SUMF1: variants seen among roughly 807,000 people sequenced by gnomAD.
The protein encoded by SUMF1 is formylglycine-generating enzyme.
In SUMF1, 48 loss-of-function variants were observed where a neutral mutation model predicts 47.6. That is an observed-to-expected ratio of 1.01 (90% CI 0.80 to 1.28). SUMF1 has a LOEUF of 1.28. Ranked by LOEUF, SUMF1 falls within the 50% of genes most tolerant of loss-of-function variation. SUMF1 has a pLI of 0.00. For synonymous variants in SUMF1, 230 were observed against 192.1 expected (o/e 1.20, Z -1.63); for missense variants, 571 against 485.4 (o/e 1.18, Z -1.66).
rs538123343 is a variant in SUMF1, at chr3:4,109,909, C to A, written c.1015-41164G>T. On this transcript the variant is annotated intron_variant and NMD_transcript_variant, in intron 8 of 12. Coordinates refer to the SUMF1 transcript ENST00000448413. ...CTCGGAGTAGTTTGATTGTCTGAAG[C>A]CTTCTTCTCTCAACTCGTCAAAGTC... 2.3e-3 allele frequency among the ~76,000 whole-genome samples: 345 copies of A among 152,202 alleles called. 4 individuals are homozygous for A. Among genetic ancestry groups the A allele is most frequent in the Middle Eastern group, 3.4e-3 (1 of 294 alleles).
chr3:4,263,411 G>T (rs905592662), intron 8 of SUMF1, among the ~76,000 whole-genome samples: 4 of 152,122 alleles, frequency 2.6e-5, no homozygotes, highest in African/African-American at 9.7e-5. Context: ...TATTTTAACT[G>T]GTTCTAAATG....
chr3:4,409,940 A>T (rs953678452), intron 7 of SUMF1, among the ~76,000 whole-genome samples: 2 of 152,218 alleles, frequency 1.3e-5, no homozygotes, highest in South Asian at 4.1e-4. Flanking sequence ...TATATTGAGA[A>T]GATATTGAAG....
rs550317913 is a variant in SUMF1, at chr3:4,114,800, G to A, written c.1015-46055C>T. Among the ~76,000 whole-genome samples the A allele has an allele frequency of 1.1e-4, 16 of 152,176 alleles. No homozygotes were observed. The South Asian group carries it at 3.1e-3, about 30-fold the overall frequency. The stretch of plus-strand genomic sequence containing the variant: ...ATTAGACACACCCATTTACACACAA[G>A]TTCAGTTCACAAATGAGAACATCAA... On this transcript the variant is annotated intron_variant and NMD_transcript_variant, in intron 8 of 12. Coordinates refer to the SUMF1 transcript ENST00000448413.
intron 8 of SUMF1, among the ~76,000 whole-genome samples, chr3:4,249,624 A>G (rs1327554807): frequency 3.3e-5 from 5 of 152,106 alleles, no homozygotes; most frequent in Non-Finnish European, 7.4e-5. Flanking sequence ...AGGCCTCCCA[A>G]TTCCCTGAGA....
intron 8 of SUMF1, among the ~76,000 whole-genome samples, chr3:4,125,835 T>TGTG (rs1466451130): frequency 6.6e-6 from 1 of 152,066 alleles, no homozygotes; most frequent in Non-Finnish European, 1.5e-5. Flanking sequence ...CATGACCACA[T>TGTG]GTGGCTAGTT....
chr3:4,258,467 C>T (rs1697008142), intron 8 of SUMF1, among the ~76,000 whole-genome samples: 1 of 138,614 alleles, frequency 7.2e-6, no homozygotes, highest in African/African-American at 2.8e-5. Flanking sequence ...TGAGCAGACA[C>T]TTCTCAAAAG....
Position 4,414,192 on chromosome 3 carries a change from A to G in SUMF1, c.840+2936T>C, listed in dbSNP as rs141967921. Among the ~76,000 whole-genome samples, 512 of 152,034 alleles carry G rather than the reference A, an allele frequency of 3.4e-3. 6 individuals are homozygous for G. In the East Asian group the frequency reaches 0.046, roughly 14 times the overall value. On this transcript the variant is annotated intron_variant, in intron 6 of 8. Transcript: ENST00000272902. Reference sequence around the variant, plus strand: ...AAACAAATTTTTAAATTAGCTGGGCATGATGGTGTGCACCTGTAGTCCCAG... The same window carrying G: ...AAACAAATTTTTAAATTAGCTGGGCGTGATGGTGTGCACCTGTAGTCCCAG...
rs954743512 is a variant in SUMF1 at position 4,391,844 on chromosome 3, T to C, written c.955-15455A>G. The stretch of plus-strand genomic sequence containing the variant: ...TTCTTTTCTTTTCTTTTTTTTTTTT[T>C]TGAGATAGAGTCTTGCTCTGTCACA... On this transcript the variant is annotated intron_variant, in intron 7 of 8. Transcript: ENST00000272902. Among the ~76,000 whole-genome samples the C allele has an allele frequency of 1.3e-3, 180 of 138,828 alleles. 2 individuals are homozygous for C. Among genetic ancestry groups the C allele is most frequent in the African/African-American group, 4.6e-3 (174 of 37,950 alleles). The allele number at this position is 138,828 out of a possible 152,430, so 91.1% of individuals were successfully genotyped here.
intron 8 of SUMF1, among the ~76,000 whole-genome samples, chr3:4,335,964 A>AAAAACAAAAAC (rs1481126882): frequency 1.4e-4 from 20 of 146,714 alleles, no homozygotes; most frequent in Admixed American, 1.1e-3. Context: ...CCAACTCAAA[A>AAAAACAAAAAC]AAAAAAAAAA....
At chr3:4,358,686 G>C (rs1699676325), downstream of SUMF1, among the ~76,000 whole-genome samples, 1 of 152,328 alleles carries the variant, frequency 6.6e-6, no homozygotes, top group East Asian at 1.9e-4. Context: ...TTCAAGAACT[G>C]CTACACTTTC....
At chr3:4,190,691 C>A (rs955980919) in intron 8 of SUMF1, among the ~76,000 whole-genome samples, 2 of 152,084 alleles carry the variant, frequency 1.3e-5, no homozygotes, top group Non-Finnish European at 2.9e-5. Flanking sequence ...CATAGACTAT[C>A]ATAGAGGACA....
At chr3:4,250,641 T>C (rs1221969386) in intron 8 of SUMF1, among the ~76,000 whole-genome samples, 1 of 152,110 alleles carries the variant, frequency 6.6e-6, no homozygotes, top group Non-Finnish European at 1.5e-5. Context: ...ACTCTCTTGT[T>C]AGAGGCTAAC....
chr3:4,291,881 G>A (rs942308310), intron 8 of SUMF1, among the ~76,000 whole-genome samples: 2 of 152,040 alleles, frequency 1.3e-5, no homozygotes, highest in East Asian at 1.9e-4. Flanking sequence ...TCCACCAAAC[G>A]TCTTTTGCCA....
Position 4,330,784 on chromosome 3 carries a change from A to G in SUMF1, c.1014+45546T>C, listed in dbSNP as rs79423720. Among the ~76,000 whole-genome samples the G allele has an allele frequency of 1.2e-4, 19 of 152,352 alleles. No homozygotes were observed. The East Asian group carries it at 3.5e-3, about 28-fold the overall frequency. The stretch of plus-strand genomic sequence containing the variant: ...TTAAAAGAGAAAAGCAAATTTTACC[A>G]TTACATTAGTGTATTACTAATGCTG... On this transcript the variant is annotated intron_variant and NMD_transcript_variant, in intron 8 of 12. Transcript: ENST00000448413.
In SUMF1 at chr3:4,131,535, C is replaced by T. The variant is rs374895202; in HGVS notation, c.1015-62790G>A. Among the ~76,000 whole-genome samples, 49 of 152,280 alleles carry T rather than the reference C, an allele frequency of 3.2e-4. 5 individuals are homozygous for T. Among genetic ancestry groups the T allele is most frequent in the East Asian group, 1.7e-3 (9 of 5,184 alleles). On this transcript the variant is annotated intron_variant and NMD_transcript_variant, in intron 8 of 12. Coordinates refer to the SUMF1 transcript ENST00000448413. ...GAAATCTTCCCAGTGGGCAGTACTTCGAGCAGTGCACCTGGTTGTGCACTT... is the reference window on the plus strand; with the variant it reads ...GAAATCTTCCCAGTGGGCAGTACTTTGAGCAGTGCACCTGGTTGTGCACTT...
Position 4,361,979 on chromosome 3 carries a change from G to T in SUMF1, c.*165C>A. 1.5e-6 allele frequency: 1 copy of T among 645,290 alleles called. No homozygotes were observed. 40.0% of individuals were successfully genotyped at this position (645,290 alleles called of 1,614,324 possible). On this transcript the variant is annotated 3_prime_UTR_variant, in exon 9 of 9. Coordinates refer to ENST00000272902, the MANE Select transcript of SUMF1 (RefSeq NM_182760.4). ...ACCATAAAGCACATGCACTGACCCA[G>T]GTCAGCAATTTGGTCTCACAAGGCG... is the stretch of plus-strand genomic sequence containing the variant.
chr3:4,244,614 CAG>C (rs1656819321), intron 8 of SUMF1, among the ~76,000 whole-genome samples: 2 of 152,172 alleles, frequency 1.3e-5, no homozygotes, highest in South Asian at 4.1e-4. Flanking sequence ...AGGGTTTCTG[CAG>C]AGAGATTTGC....
chr3:4,050,513 G>C (rs1695088771), intron 9 of SUMF1, among the ~76,000 whole-genome samples: 1 of 151,804 alleles, frequency 6.6e-6, no homozygotes. Flanking sequence ...AGGCTGAGGT[G>C]GGTGGATTGT....
At chr3:4,151,485 GTATA>G (rs1307809638) in intron 8 of SUMF1, among the ~76,000 whole-genome samples, 1 of 142,122 alleles carries the variant, frequency 7.0e-6, no homozygotes, top group Non-Finnish European at 1.5e-5. Context: ...GTATATATGT[GTATA>G]TATACGTATA....
Sources: allele counts gnomAD v4.1 joint callset (sites outside exome capture counted in the v4.1 genomes callset), GRCh38; gene constraint gnomAD v4.1.1; transcripts MANE v1.5; gene names NCBI Gene and HGNC (gene_info 2026-07-23, HGNC 2026-07-21).